Variants in NPEPPS observed in about 807,000 individuals in gnomAD.
NPEPPS encodes the protein aminopeptidase puromycin sensitive, also known as puromycin-sensitive aminopeptidase.
In NPEPPS, 14 loss-of-function variants were observed where a neutral mutation model predicts 115.5. The ratio of observed to expected loss-of-function variants is 0.12; its 90% CI spans 0.08 to 0.19. The LOEUF (loss-of-function observed/expected upper bound fraction) is 0.19. Ranked by LOEUF, NPEPPS falls within the 10% of genes least tolerant of loss-of-function variation. The pLI is 1.00. For synonymous variants in NPEPPS, 285 were observed against 390.6 expected (o/e 0.73, Z 3.19); for missense variants, 523 against 1,110.8 (o/e 0.47, Z 7.52).
chr17:47,572,557 A>T (rs1911262723), intron 3 of NPEPPS, among the ~76,000 whole-genome samples: 1 of 152,222 alleles, frequency 6.6e-6, no homozygotes, highest in South Asian at 2.1e-4. Context: ...TTAAACAAGG[A>T]CAGGACAGAA....
intron 2 of NPEPPS, among the ~76,000 whole-genome samples, chr17:47,552,588 T>C (rs1909727550): frequency 1.3e-5 from 2 of 152,250 alleles, no homozygotes; most frequent in Admixed American, 1.3e-4. Context: ...GAGTGTAGAA[T>C]AGTTTTAAAT....
Position 47,582,804 on chromosome 17 carries a change from T to C in NPEPPS, c.603T>C (p.Asp201=). Residue 201 remains aspartate (D), a synonymous_variant, in exon 5 of 23, where the codon GAT becomes GAC. Transcript: ENST00000322157. The part of the protein sequence containing the change: ...WDEPAIKATF[D]ISLVVPKDRV... Reference sequence around the variant, plus strand: ...AGCCTGCTATCAAAGCAACTTTTGATATCTCATTGGTTGTTCCTAAAGACA... The same window carrying C: ...AGCCTGCTATCAAAGCAACTTTTGACATCTCATTGGTTGTTCCTAAAGACA... 3.1e-6 allele frequency: 3 copies of C among 970,166 alleles called. No individual in the cohort carries two copies. The highest frequency in any genetic ancestry group is 3.3e-6 in the Non-Finnish European group (2 of 610,530). The allele number at this position is 970,166 out of a possible 1,614,324, so 60.1% of individuals were successfully genotyped here. A position where few individuals can be genotyped will look rare whatever the true frequency, so the allele number is the denominator to read the frequency against.
chr17:47,576,726 T>C (rs1047444254), intron 3 of NPEPPS, among the ~76,000 whole-genome samples: 1 of 152,200 alleles, frequency 6.6e-6, no homozygotes, highest in African/African-American at 2.4e-5. Context: ...GAGCTTGATA[T>C]ATGTTTCAAA....
rs189068872 is a variant in NPEPPS, at chr17:47,576,198, C to T, written c.419-3192C>T. On this transcript the variant is annotated intron_variant, in intron 3 of 22. Transcript: ENST00000322157. ...TTACCATAATTATTGTAAGGTCTAA[C>T]AACCCTAGAATTAGTGGCTGAGGGT... Among the ~76,000 whole-genome samples the T allele has an allele frequency of 5.6e-3, 845 of 152,230 alleles. 15 individuals carry two copies. The highest frequency in any genetic ancestry group is 3.5e-3 in the Non-Finnish European group (237 of 68,002).
At chr17:47,547,943 G>A (rs868353815) in intron 2 of NPEPPS, among the ~76,000 whole-genome samples, 3 of 152,240 alleles carry the variant, frequency 2.0e-5, no homozygotes, top group Middle Eastern at 6.8e-3. Flanking sequence ...GGAGAATGGC[G>A]TGAACCCGGG....
chr17:47,615,097 G>A (rs1201009806), intron 19 of NPEPPS, among the ~76,000 whole-genome samples: 10 of 37,358 alleles, frequency 2.7e-4, no homozygotes, highest in African/African-American at 1.2e-3. Flanking sequence ...TTTTTTTTTT[G>A]AGACGGAGTC....
intron 12 of NPEPPS, among the ~76,000 whole-genome samples, chr17:47,593,792 C>T (rs1484147967): frequency 6.6e-6 from 1 of 152,120 alleles, no homozygotes; most frequent in Non-Finnish European, 1.5e-5. Flanking sequence ...ATACCATAGG[C>T]AATTATAACA....
intron 1 of NPEPPS, among the ~76,000 whole-genome samples, chr17:47,532,938 T>TA (rs1238363535): frequency 6.6e-6 from 1 of 152,122 alleles, no homozygotes; most frequent in Admixed American, 6.6e-5. Flanking sequence ...TGTTAGTAAA[T>TA]ATATTTTGTT....
At chr17:47,536,232 A>G (rs141639186) in intron 1 of NPEPPS, among the ~76,000 whole-genome samples, 172 of 152,266 alleles carry the variant, frequency 1.1e-3, no homozygotes, top group Non-Finnish European at 1.4e-3. Context: ...CCTGGCCTCT[A>G]CTAACAAAAT....
chr17:47,614,574 CA>C (rs1914074871), intron 19 of NPEPPS, among the ~76,000 whole-genome samples: 1 of 152,134 alleles, frequency 6.6e-6, no homozygotes, highest in Admixed American at 6.5e-5. Flanking sequence ...CTGACTTAGA[CA>C]AAATATAGAT....
chr17:47,546,619 A>G (rs1030923336), intron 2 of NPEPPS, among the ~76,000 whole-genome samples: 4 of 151,868 alleles, frequency 2.6e-5, no homozygotes, highest in African/African-American at 9.7e-5. Flanking sequence ...GCTCACTGCT[A>G]TCTCTGCCTC....
intron 2 of NPEPPS, among the ~76,000 whole-genome samples, chr17:47,559,974 A>G (rs1470425822): frequency 6.6e-6 from 1 of 152,138 alleles, no homozygotes; most frequent in Non-Finnish European, 1.5e-5. Flanking sequence ...CTCAGCTTCT[A>G]AATCTGCTAC....
At chr17:47,603,717 C>T in intron 15 of NPEPPS, 198 bp from the exon 16 acceptor site, 1 of 448,140 alleles carries the variant, frequency 2.2e-6, no homozygotes, top group Non-Finnish European at 3.9e-6. Flanking sequence ...CTCACAATTT[C>T]AAGTTTCCCT....
intron 10 of NPEPPS, among the ~76,000 whole-genome samples, chr17:47,591,538 A>G (rs1912502804): frequency 6.6e-6 from 1 of 152,150 alleles, no homozygotes; most frequent in Non-Finnish European, 1.5e-5. Context: ...GTTTATATAT[A>G]TAAATTTTGT....
At chr17:47,577,419 T>C (rs1257359047) in intron 3 of NPEPPS, among the ~76,000 whole-genome samples, 1 of 152,120 alleles carries the variant, frequency 6.6e-6, no homozygotes, top group East Asian at 1.9e-4. Flanking sequence ...TGAATACATT[T>C]GCTTTTTTAA....
At chr17:47,611,913 T>C (rs998010194) in intron 17 of NPEPPS, among the ~76,000 whole-genome samples, 3 of 152,228 alleles carry the variant, frequency 2.0e-5, no homozygotes, top group Non-Finnish European at 4.4e-5. Flanking sequence ...TTTTTTATTA[T>C]AGCCATCATA....
At chr17:47,606,937 G>A (rs1226857876) in intron 17 of NPEPPS, among the ~76,000 whole-genome samples, 1 of 151,970 alleles carries the variant, frequency 6.6e-6, no homozygotes, top group East Asian at 1.9e-4. Context: ...GCTCACGCCT[G>A]TAATCCCAGC....
At chr17:47,553,104 T>C (rs1404106858) in intron 2 of NPEPPS, among the ~76,000 whole-genome samples, 16 of 152,094 alleles carry the variant, frequency 1.1e-4, no homozygotes, top group Non-Finnish European at 2.1e-4. Flanking sequence ...CTGTAGCTCA[T>C]GGCTGTAATC....
chr17:47,532,639 A>G (rs1907895015), intron 1 of NPEPPS, among the ~76,000 whole-genome samples: 1 of 147,520 alleles, frequency 6.8e-6, no homozygotes, highest in Admixed American at 6.9e-5. Context: ...AGCCTGGGCG[A>G]CAGAGTGAGA....
Sources: allele counts gnomAD v4.1 joint callset (sites outside exome capture counted in the v4.1 genomes callset), GRCh38; gene constraint gnomAD v4.1.1; transcripts MANE v1.5; gene names NCBI Gene and HGNC (gene_info 2026-07-23, HGNC 2026-07-21).